Variants in TSHR observed in about 807,000 individuals in gnomAD.
TSHR encodes thyrotropin receptor.
A neutral mutation model predicts 64.1 loss-of-function variants in TSHR; 51 were observed. The ratio of observed to expected loss-of-function variants is 0.80; its 90% CI spans 0.64 to 1.01. The LOEUF (loss-of-function observed/expected upper bound fraction) is 1.01. TSHR is among the 50% of genes least tolerant of loss of function. TSHR has a pLI of 0.00. For synonymous variants in TSHR, 361 were observed against 361.9 expected (o/e 1.00, Z 0.03); for missense variants, 877 against 942.8 (o/e 0.93, Z 0.91).
Position 81,000,595 on chromosome 14 carries a change from G to T in TSHR, c.170+44745G>T, listed in dbSNP as rs143199205. 8.3e-4 allele frequency among the ~76,000 whole-genome samples: 126 copies of T among 151,266 alleles called. 2 individuals carry two copies. In the East Asian group the frequency reaches 0.022, roughly 26 times the overall value. On this transcript the variant is annotated intron_variant, in intron 1 of 9. Coordinates refer to ENST00000298171, the MANE Select transcript of TSHR (RefSeq NM_000369.5). ...TGGGGTATACTCCTCAGTCTTCATG[G>T]GTCGCAGTCAGACTCCCATTCTCTC...
chr14:81,070,410 C>T (rs1488112941), intron 3 of TSHR, among the ~76,000 whole-genome samples: 7 of 151,910 alleles, frequency 4.6e-5, no homozygotes, highest in South Asian at 4.2e-4. Flanking sequence ...AGGCGGATCA[C>T]GAGGTTAGGA....
At chr14:81,107,431 A>G (rs1889968176) in intron 7 of TSHR, among the ~76,000 whole-genome samples, 1 of 152,170 alleles carries the variant, frequency 6.6e-6, no homozygotes, top group Non-Finnish European at 1.5e-5. Context: ...TAACAAGGAT[A>G]TATATATGTG....
At chr14:81,084,594 G>A (rs1047810096) in intron 3 of TSHR, among the ~76,000 whole-genome samples, 1 of 152,196 alleles carries the variant, frequency 6.6e-6, no homozygotes, top group Non-Finnish European at 1.5e-5. Flanking sequence ...ATGAGTGGGA[G>A]CACAGAGCAG....
chr14:81,083,589 T>A (rs1412566933), intron 3 of TSHR, among the ~76,000 whole-genome samples: 1 of 152,176 alleles, frequency 6.6e-6, no homozygotes, highest in Admixed American at 6.5e-5. Flanking sequence ...CATAGTTTTG[T>A]CTGCAAAATC....
intron 1 of TSHR, among the ~76,000 whole-genome samples, chr14:80,990,912 C>T (rs889688051): frequency 4.6e-5 from 7 of 152,168 alleles, no homozygotes; most frequent in African/African-American, 1.7e-4. Context: ...ACCTCGGCCT[C>T]ACAAAATGCT....
chr14:81,080,184 C>T (rs1887800537), intron 3 of TSHR, among the ~76,000 whole-genome samples: 1 of 152,046 alleles, frequency 6.6e-6, no homozygotes, highest in Admixed American at 6.6e-5. Flanking sequence ...AATCTCTTGA[C>T]CTCGTGATCC....
chr14:81,076,390 C>A (rs1260513345), intron 3 of TSHR, among the ~76,000 whole-genome samples: 1 of 152,134 alleles, frequency 6.6e-6, no homozygotes, highest in African/African-American at 2.4e-5. Context: ...TCTTATCTAA[C>A]AATTCCCAAA....
chr14:80,985,475 A>G (rs947952012), intron 1 of TSHR, among the ~76,000 whole-genome samples: 4 of 152,240 alleles, frequency 2.6e-5, no homozygotes, highest in Non-Finnish European at 5.9e-5. Context: ...CAGCTTCAAC[A>G]ATACAAAACA....
intron 6 of TSHR, among the ~76,000 whole-genome samples, chr14:81,092,894 T>G (rs997106614): frequency 1.3e-5 from 2 of 152,210 alleles, no homozygotes; most frequent in African/African-American, 2.4e-5. Context: ...CTGTAGGAAC[T>G]GGTCAACTCT....
At chr14:81,100,481 G>A (rs1367077928) in intron 7 of TSHR, among the ~76,000 whole-genome samples, 2 of 152,230 alleles carry the variant, frequency 1.3e-5, no homozygotes, top group African/African-American at 4.8e-5. Context: ...CCAGCTGGAT[G>A]TCCTACAATT....
At chr14:81,100,313 CT>C (rs1889494237) in intron 7 of TSHR, among the ~76,000 whole-genome samples, 1 of 152,132 alleles carries the variant, frequency 6.6e-6, no homozygotes, top group Non-Finnish European at 1.5e-5. Flanking sequence ...TCTCTCTGGT[CT>C]GGTGTTCTAC....
At chr14:81,004,188 T>C (rs1340892295) in intron 1 of TSHR, among the ~76,000 whole-genome samples, 1 of 152,174 alleles carries the variant, frequency 6.6e-6, no homozygotes, top group Non-Finnish European at 1.5e-5. Context: ...ATAATAGCAC[T>C]TTACTCGTCT....
chr14:81,114,538 G>T (rs1202317860), intron 8 of TSHR, among the ~76,000 whole-genome samples: 1 of 152,178 alleles, frequency 6.6e-6, no homozygotes, highest in Non-Finnish European at 1.5e-5. Context: ...TACGCCCACG[G>T]AGTCTCCCTG....
intron 1 of TSHR, among the ~76,000 whole-genome samples, chr14:81,034,678 A>AT (rs1594979476): frequency 1.3e-5 from 2 of 152,374 alleles, no homozygotes; most frequent in Non-Finnish European, 2.9e-5. Flanking sequence ...ACTGATTAAA[A>AT]TTTTGTGGAA....
At chr14:81,012,654 C>G (rs1388810549) in intron 1 of TSHR, 4 of 152,126 alleles carry the variant, frequency 2.6e-5, no homozygotes, top group Admixed American at 6.6e-5. Context: ...GAGATGGTAT[C>G]TCATTGTGGT....
intron 1 of TSHR, chr14:80,959,442 G>A (rs545874355): frequency 6.6e-6 from 1 of 152,226 alleles, no homozygotes; most frequent in Non-Finnish European, 1.5e-5. Flanking sequence ...TCAGAAAGTT[G>A]CCATTTGTTG....
At position 81,144,161 on chromosome 14, in the gene TSHR, C is replaced by G. The variant is rs959009232; in HGVS notation, c.2103C>G (p.Arg701=). Residue 701 remains arginine, a synonymous_variant, in exon 10 of 10, where the codon CGC becomes CGG. Coordinates refer to ENST00000298171, the MANE Select transcript of TSHR (RefSeq NM_000369.5). The part of the protein sequence containing the change: ...ILLSKFGICK[R]QAQAYRGQRV... ...TCAGCAAGTTTGGCATCTGTAAACG[C>G]CAGGCTCAGGCATACCGGGGGCAGA... The G allele has an allele frequency of 1.2e-6, 2 of 1,613,960 alleles. No homozygotes were observed. Among genetic ancestry groups the G allele is most frequent in the African/African-American group, 2.7e-5 (2 of 74,860 alleles).
At chr14:81,016,749 G>A (rs761440462) in intron 1 of TSHR, among the ~76,000 whole-genome samples, 1 of 151,946 alleles carries the variant, frequency 6.6e-6, no homozygotes, top group Non-Finnish European at 1.5e-5. Flanking sequence ...TTTCCTTTCT[G>A]TTTTCTTCTA....
intron 1 of TSHR, among the ~76,000 whole-genome samples, chr14:81,025,952 T>C (rs977923459): frequency 1.3e-5 from 2 of 152,114 alleles, no homozygotes; most frequent in African/African-American, 4.8e-5. Flanking sequence ...GCAGAGGTCT[T>C]TGAAGTAAGT....
Sources: gnomAD v4.1 joint callset for allele counts (sites outside exome capture counted in the v4.1 genomes callset) on GRCh38, gnomAD v4.1.1 for gene constraint, MANE v1.5 for transcripts, NCBI Gene and HGNC (gene_info 2026-07-23, HGNC 2026-07-21) for gene names.